Variants in COL21A1 observed in about 807,000 individuals in gnomAD.
The protein encoded by COL21A1 is collagen alpha-1(XXI) chain.
COL21A1 carries 149 observed loss-of-function variants against 137.9 expected under a neutral mutation model. The observed-to-expected ratio is 1.08, with a 90% CI of 0.95 to 1.24. COL21A1 has a LOEUF of 1.24. Ranked by LOEUF, COL21A1 falls within the 50% of genes most tolerant of loss-of-function variation. The pLI is 0.00. For synonymous variants in COL21A1, 456 were observed against 391.5 expected, an observed-to-expected ratio of 1.16 and a Z score of -1.95; for missense variants, 1,167 against 1,158.4, an observed-to-expected ratio of 1.01 and a Z score of -0.11.
rs1197099178 is a variant in COL21A1 at position 56,056,621 on chromosome 6, A to C, written c.*1036T>G. 1 of 152,224 alleles carries C rather than the reference A, an allele frequency of 6.6e-6. No individual in the cohort carries two copies. Among genetic ancestry groups the C allele is most frequent in the African/African-American group, 2.4e-5 (1 of 41,462 alleles). The allele number at this position is 152,224 out of a possible 1,614,324, so 9.4% of individuals were successfully genotyped here. On this transcript the variant is annotated 3_prime_UTR_variant, in exon 30 of 30. Transcript: ENST00000244728. The stretch of plus-strand genomic sequence containing the variant: ...CTGTACAAAACTTTATTATACTCTG[A>C]ATAACAAGCATGTAACAAAATTTTG...
At chr6:56,329,835 C>T (rs1582786771) in intron 1 of COL21A1, among the ~76,000 whole-genome samples, 1 of 152,078 alleles carries the variant, frequency 6.6e-6, no homozygotes, top group South Asian at 2.1e-4. Context: ...GTCTAGACCA[C>T]TGTAATTTCA....
rs1765798874 is a variant in COL21A1, at chr6:56,061,529, A to C, written c.2205+120T>G. 5.6e-6 allele frequency: 3 copies of C among 537,164 alleles called. No homozygotes were observed. In the Admixed American group the frequency reaches 1.0e-4, roughly 19 times the overall value. 33.3% of individuals were successfully genotyped at this position (537,164 alleles called of 1,614,324 possible). The stretch of plus-strand genomic sequence containing the variant: ...ATTAATTGGGAACTTCTACTGAAGA[A>C]GATGAAAAACATTTCGTTTTCTGGT... On this transcript the variant is annotated intron_variant, in intron 25 of 29. Transcript: ENST00000244728.
intron 1 of COL21A1, among the ~76,000 whole-genome samples, chr6:56,192,977 T>C (rs935612516): frequency 1.3e-5 from 2 of 152,204 alleles, no homozygotes; most frequent in Non-Finnish European, 2.9e-5. Context: ...CATGGAATAC[T>C]ATGCAGCCAT....
rs551358519 is a variant in COL21A1 at position 56,088,643 on chromosome 6, C to G, written c.1813-11070G>C. Among the ~76,000 whole-genome samples, 33 of 152,220 alleles carry G rather than the reference C, an allele frequency of 2.2e-4. No individual in the cohort carries two copies. The South Asian group carries it at 5.8e-3, about 27-fold the overall frequency. On this transcript the variant is annotated intron_variant, in intron 17 of 29. Transcript: ENST00000244728. ...CTATGGTACATATCAAGCAATAAAA[C>G]CTTTTCTTATAATGTCACAACTTTT... is the stretch of plus-strand genomic sequence containing the variant.
At chr6:56,299,795 AATG>A (rs1764239827) in intron 1 of COL21A1, among the ~76,000 whole-genome samples, 1 of 152,080 alleles carries the variant, frequency 6.6e-6, no homozygotes, top group Admixed American at 6.6e-5. Flanking sequence ...TCTACAACTG[AATG>A]ATATGTCTTA....
At chr6:56,308,819 T>C (rs948855300) in intron 1 of COL21A1, among the ~76,000 whole-genome samples, 12 of 152,312 alleles carry the variant, frequency 7.9e-5, no homozygotes, top group East Asian at 3.9e-4. Context: ...ATGTGGCTAG[T>C]GGATACTCAG....
intron 16 of COL21A1, among the ~76,000 whole-genome samples, chr6:56,113,909 G>A (rs745336302): frequency 1.7e-4 from 26 of 152,140 alleles, no homozygotes; most frequent in East Asian, 1.9e-4. Context: ...TCAAAGAAAC[G>A]TCAGTGGTCA....
chr6:56,289,464 A>G (rs1763989298), intron 1 of COL21A1, among the ~76,000 whole-genome samples: 1 of 152,198 alleles, frequency 6.6e-6, no homozygotes, highest in African/African-American at 2.4e-5. Flanking sequence ...TTCACCTAAA[A>G]TGCACATTAT....
At chr6:56,361,284 G>A (rs548438134) in intron 1 of COL21A1, among the ~76,000 whole-genome samples, 18 of 152,252 alleles carry the variant, frequency 1.2e-4, no homozygotes, top group African/African-American at 3.6e-4. Context: ...TGGGATGTCC[G>A]TCTCCTGAGT....
At chr6:56,263,199 G>T (rs550872974) in intron 1 of COL21A1, among the ~76,000 whole-genome samples, 71 of 152,288 alleles carry the variant, frequency 4.7e-4, no homozygotes, top group African/African-American at 1.6e-3. Flanking sequence ...TTGAATGAAT[G>T]AATTAATAAG....
intron 3 of COL21A1, among the ~76,000 whole-genome samples, chr6:56,178,292 A>G (rs1299202517): frequency 1.3e-5 from 2 of 152,176 alleles, no homozygotes; most frequent in Non-Finnish European, 2.9e-5. Flanking sequence ...CCTGTTCAGT[A>G]TGATAAATGT....
intron 10 of COL21A1, among the ~76,000 whole-genome samples, chr6:56,143,848 T>C (rs911060849): frequency 5.3e-5 from 8 of 152,140 alleles, no homozygotes; most frequent in African/African-American, 1.9e-4. Flanking sequence ...CTTCTGTTGA[T>C]AGAACATTGG....
At chr6:56,326,868 C>T (rs1765106670) in intron 1 of COL21A1, among the ~76,000 whole-genome samples, 2 of 152,042 alleles carry the variant, frequency 1.3e-5, no homozygotes, top group Admixed American at 6.6e-5. Context: ...TTTTACATAA[C>T]ACTAGACATT....
intron 1 of COL21A1, among the ~76,000 whole-genome samples, chr6:56,338,829 C>T (rs1252493674): frequency 4.6e-5 from 7 of 152,216 alleles, no homozygotes; most frequent in Non-Finnish European, 2.9e-5. Flanking sequence ...TTGAATGAGT[C>T]CCTGGATCTT....
intron 23 of COL21A1, among the ~76,000 whole-genome samples, 162 bp from the exon 24 acceptor site, chr6:56,064,784 C>T (rs80177427): frequency 0.077 from 11,641 of 151,690 alleles, 479 homozygotes; most frequent in Admixed American, 0.11. Flanking sequence ...AGTTACTCAG[C>T]GAAAAAGAAG....
chr6:56,206,725 T>G lies in COL21A1; in HGVS notation c.-38-24069A>C, dbSNP rs1779815799. ...ATATATATATATATATATATATATA[T>G]ATATATATATATTCTAATCAGCACC... On this transcript the variant is annotated intron_variant, in intron 1 of 29. Transcript: ENST00000244728. Among the ~76,000 whole-genome samples the G allele has an allele frequency of 5.0e-5, 5 of 99,470 alleles. No individual in the cohort carries two copies. In the South Asian group the frequency reaches 1.3e-3, roughly 26 times the overall value. The allele number at this position is 99,470 out of a possible 152,430, so 65.3% of individuals were successfully genotyped here.
chr6:56,268,845 G>A (rs1562032576), intron 1 of COL21A1, among the ~76,000 whole-genome samples: 1 of 152,266 alleles, frequency 6.6e-6, no homozygotes, highest in Non-Finnish European at 1.5e-5. Context: ...CTGAGATGCA[G>A]GAGAAAGTTG....
chr6:56,259,939 C>T (rs891410602), intron 1 of COL21A1, among the ~76,000 whole-genome samples: 1 of 152,276 alleles, frequency 6.6e-6, no homozygotes, highest in South Asian at 2.1e-4. Context: ...TATGATATCC[C>T]GGAGTCATTC....
At chr6:56,232,521 C>T (rs973844023) in intron 1 of COL21A1, among the ~76,000 whole-genome samples, 1 of 151,864 alleles carries the variant, frequency 6.6e-6, no homozygotes, top group Non-Finnish European at 1.5e-5. Context: ...GTGGGAAACT[C>T]TCCTATCTCA....
Sources: allele counts gnomAD v4.1 joint callset (sites outside exome capture counted in the v4.1 genomes callset), GRCh38; gene constraint gnomAD v4.1.1; transcripts MANE v1.5; gene names NCBI Gene and HGNC (gene_info 2026-07-23, HGNC 2026-07-21).